CHD7: variants seen among roughly 807,000 people sequenced by gnomAD.
The protein encoded by CHD7 is chromodomain helicase DNA binding protein 7.
In CHD7, 24 loss-of-function variants were observed where a neutral mutation model predicts 307.3. That is an observed-to-expected ratio of 0.08 (90% confidence interval 0.06 to 0.11). The LOEUF (loss-of-function observed/expected upper bound fraction) is 0.11, where lower values mean the gene tolerates loss of function less well. Among genes scored for constraint, CHD7 ranks in the 10% least tolerant of loss-of-function variants. The probability of loss-of-function intolerance (pLI) is 1.00; values close to 1 mark genes in which losing one functional copy is unlikely to be tolerated. For synonymous variants in CHD7, 1,363 were observed against 1,349.9 expected, an observed-to-expected ratio of 1.01 and a Z score of -0.21; for missense variants, 3,106 against 3,727.1, an observed-to-expected ratio of 0.83 and a Z score of 4.34.
chr8:60,787,476 T>A (rs1365023395), intron 3 of CHD7, among the ~76,000 whole-genome samples: 1 of 152,268 alleles, frequency 6.6e-6, no homozygotes, highest in Non-Finnish European at 1.5e-5. Context: ...TTGAAAGGCC[T>A]ATTTTTTATA....
In CHD7 at chr8:60,823,923, G is replaced by A; in HGVS notation, c.3285G>A (p.Arg1095=). ...EMILTDCPEL[R]NIPWRCVVID... ...TTTTGACTGATTGTCCTGAGCTGCG[G>A]AATATTCCATGGCGCTGTGTAGTCA... Residue 1095 remains arginine, a synonymous_variant, in exon 13 of 38, where the codon CGG becomes CGA. Coordinates refer to ENST00000423902, the MANE Select transcript of CHD7 (RefSeq NM_017780.4). The A allele has an allele frequency of 6.2e-7, 1 of 1,613,904 alleles. No individual in the cohort carries two copies. The highest frequency in any genetic ancestry group is 8.5e-7 in the Non-Finnish European group (1 of 1,179,844).
intron 2 of CHD7, among the ~76,000 whole-genome samples, chr8:60,773,590 C>T (rs995476879): frequency 1.3e-5 from 2 of 152,062 alleles, no homozygotes; most frequent in Non-Finnish European, 2.9e-5. Flanking sequence ...TAAGAAGTAG[C>T]AATGAATCTG....
intron 1 of CHD7, among the ~76,000 whole-genome samples, chr8:60,693,014 A>G (rs1806279473): frequency 6.6e-6 from 1 of 152,196 alleles, no homozygotes; most frequent in Non-Finnish European, 1.5e-5. Flanking sequence ...GCATGAAACA[A>G]AAGTGTGAAA....
intron 1 of CHD7, among the ~76,000 whole-genome samples, chr8:60,684,281 C>A (rs1805772514): frequency 6.6e-6 from 1 of 152,166 alleles, no homozygotes; most frequent in Non-Finnish European, 1.5e-5. Context: ...TTCCTCTGTG[C>A]ATGTCAGGAT....
chr8:60,755,085 T>C (rs1415203795), intron 2 of CHD7, among the ~76,000 whole-genome samples: 1 of 152,208 alleles, frequency 6.6e-6, no homozygotes, highest in Non-Finnish European at 1.5e-5. Flanking sequence ...GTGAACTCAG[T>C]TGATTTATGA....
Position 60,851,087 on chromosome 8 carries a change from T to C in CHD7, c.5590T>C (p.Phe1864Leu), listed in dbSNP as rs201937995. 3.2e-6 allele frequency: 5 copies of C among 1,571,542 alleles called. No individual in the cohort carries two copies. Among genetic ancestry groups the C allele is most frequent in the Non-Finnish European group, 1.7e-6 (2 of 1,156,966 alleles). Reference protein sequence around the residue: ...DPEYKPTRTPFKDEIDEFANS... With the variant: ...DPEYKPTRTPLKDEIDEFANS... ...AGAATATAAACCAACCAGAACACCG[T>C]TCAAAGATGAAATAGATGTATGAAC... is the stretch of plus-strand genomic sequence containing the variant. Residue 1864 changes from phenylalanine (F) to leucine (L), a missense_variant, in exon 27 of 38, where the codon TTC becomes CTC. This residue lies in a region of CHD7 where 1,030 missense variants were observed against 1,165.4 expected (regional missense o/e 0.88). Coordinates refer to ENST00000423902, the MANE Select transcript of CHD7 (RefSeq NM_017780.4).
chr8:60,716,757 A>ATC (rs1807623129), intron 1 of CHD7, among the ~76,000 whole-genome samples: 1 of 152,246 alleles, frequency 6.6e-6, no homozygotes, highest in Non-Finnish European at 1.5e-5. Flanking sequence ...TTACTGATGC[A>ATC]TCTCCAGTGC....
At chr8:60,712,390 T>C (rs6471895) in intron 1 of CHD7, among the ~76,000 whole-genome samples, 14,690 of 152,238 alleles carry the variant, frequency 0.096, 1,515 homozygotes, top group African/African-American at 0.26. Flanking sequence ...ATTTTTACAA[T>C]GTTTGAGGAC....
At chr8:60,736,449 C>T (rs979854776) in intron 1 of CHD7, among the ~76,000 whole-genome samples, 1 of 152,122 alleles carries the variant, frequency 6.6e-6, no homozygotes, top group Non-Finnish European at 1.5e-5. Context: ...TGTTTTGCAG[C>T]CTTGATGATT....
At chr8:60,777,807 A>G (rs899778134) in intron 2 of CHD7, among the ~76,000 whole-genome samples, 3 of 152,224 alleles carry the variant, frequency 2.0e-5, no homozygotes, top group African/African-American at 4.8e-5. Context: ...TTAAGTTCCA[A>G]AAGTTCATGG....
chr8:60,702,939 C>T (rs1247224585), intron 1 of CHD7, among the ~76,000 whole-genome samples: 1 of 152,166 alleles, frequency 6.6e-6, no homozygotes, highest in Admixed American at 6.5e-5. Context: ...TTGGCCCAGG[C>T]TTGTTGACAT....
At chr8:60,727,773 G>A (rs1413140677) in intron 1 of CHD7, among the ~76,000 whole-genome samples, 3 of 152,118 alleles carry the variant, frequency 2.0e-5, no homozygotes, top group African/African-American at 2.4e-5. Flanking sequence ...TCTCTCTTGA[G>A]CTCTCTGCTT....
chr8:60,726,747 A>G (rs978212773), intron 1 of CHD7, among the ~76,000 whole-genome samples: 2 of 152,112 alleles, frequency 1.3e-5, no homozygotes, highest in Non-Finnish European at 2.9e-5. Flanking sequence ...TCTTTTTTTA[A>G]CACAAGCACC....
intron 15 of CHD7, among the ~76,000 whole-genome samples, chr8:60,833,447 T>C (rs1397159116): frequency 1.3e-5 from 2 of 151,840 alleles, no homozygotes; most frequent in South Asian, 4.2e-4. Context: ...AGAGGAAGAG[T>C]GGGCAAAAAG....
intron 12 of CHD7, among the ~76,000 whole-genome samples, chr8:60,823,123 A>G (rs1167700455): frequency 6.6e-6 from 1 of 152,212 alleles, no homozygotes; most frequent in Non-Finnish European, 1.5e-5. Context: ...CTAGAAGTGA[A>G]AAATAGTAAG....
intron 7 of CHD7, chr8:60,809,686 A>T (rs28438524): frequency 7.1e-6 from 1 of 140,164 alleles, no homozygotes; most frequent in Non-Finnish European, 1.5e-5. Flanking sequence ...AAAAAAAAAA[A>T]AAAAAAAAGA....
intron 1 of CHD7, among the ~76,000 whole-genome samples, chr8:60,737,334 C>A (rs994620716): frequency 6.6e-6 from 1 of 152,204 alleles, no homozygotes; most frequent in African/African-American, 2.4e-5. Context: ...AGACTTGATG[C>A]AGGCCTTTAA....
intron 1 of CHD7, among the ~76,000 whole-genome samples, chr8:60,704,306 GACA>G (rs1806911653): frequency 6.6e-6 from 1 of 152,168 alleles, no homozygotes; most frequent in Non-Finnish European, 1.5e-5. Flanking sequence ...AAGGCTGGTG[GACA>G]GTGGGCCAAA....
intron 7 of CHD7, among the ~76,000 whole-genome samples, chr8:60,813,314 G>T (rs1812897536): frequency 6.6e-6 from 1 of 152,004 alleles, no homozygotes; most frequent in Non-Finnish European, 1.5e-5. Context: ...GATTCTCTAG[G>T]GTTCTCCAGG....
Sources: gnomAD v4.1 joint callset for allele counts (sites outside exome capture counted in the v4.1 genomes callset) on GRCh38, gnomAD v4.1.1 for gene constraint, gnomAD v4.1.1 regional missense constraint, MANE v1.5 for transcripts, NCBI Gene and HGNC (gene_info 2026-07-23, HGNC 2026-07-21) for gene names.